MYLK: variants seen among roughly 807,000 people sequenced by gnomAD.
MYLK encodes the protein myosin light chain kinase, smooth muscle.
In MYLK, 106 loss-of-function variants were observed where a neutral mutation model predicts 203.4. The observed-to-expected ratio is 0.52, with a 90% CI of 0.45 to 0.61. The LOEUF (loss-of-function observed/expected upper bound fraction) is 0.61. MYLK is among the 20% of genes least tolerant of loss of function. The pLI, the probability that MYLK is intolerant of heterozygous loss-of-function variation, is 0.00. For missense variants in MYLK, 2,072 were observed against 2,442.3 expected (o/e 0.85, Z 3.20); for synonymous variants, 867 against 959.5 (o/e 0.90, Z 1.78).
At chr3:123,759,814 T>C (rs1336279299) in intron 4 of MYLK, among the ~76,000 whole-genome samples, 1 of 152,232 alleles carries the variant, frequency 6.6e-6, no homozygotes, top group African/African-American at 2.4e-5. Context: ...TCTATTTTCT[T>C]GCCTCCTCCC....
chr3:123,737,682 G>A (rs1160074789), intron 7 of MYLK, 139 bp from the exon 8 acceptor site: 5 of 1,115,258 alleles, frequency 4.5e-6, no homozygotes. Context: ...CTGTCAATGT[G>A]CTCAGAGAGC....
chr3:123,865,450 T>C (rs562743422), intron 2 of MYLK, among the ~76,000 whole-genome samples: 1 of 152,354 alleles, frequency 6.6e-6, no homozygotes, highest in South Asian at 2.1e-4. Context: ...AGTCTTCCTG[T>C]AGCTACTTAG....
chr3:123,666,298 G>C lies in MYLK; in HGVS notation c.3752C>G (p.Ala1251Gly), dbSNP rs986859519. The C allele has an allele frequency of 6.2e-7, 1 of 1,614,102 alleles. No homozygotes were observed. The highest frequency in any genetic ancestry group is 8.5e-7 in the Non-Finnish European group (1 of 1,180,052). ...GCCAAACAGCTCCACTGACTCTCCT[G>C]CGCGTACCTTCTGGTCCTCAGGGAA... is the stretch of plus-strand genomic sequence containing the variant. The part of the protein sequence containing the change: ...IQFPEDQKVR[A>G]GESVELFGKV... Residue 1251 changes from alanine to glycine, a missense_variant, in exon 22 of 34, where the codon GCA becomes GGA. Physicochemically the swap from Ala to Gly is moderately conservative, Grantham distance 60 (BLOSUM62 0). Transcript: ENST00000360304.
chr3:123,767,012 T>C (rs1410508380), intron 4 of MYLK, among the ~76,000 whole-genome samples: 1 of 152,216 alleles, frequency 6.6e-6, no homozygotes, highest in African/African-American at 2.4e-5. Flanking sequence ...TCCCAGTCCA[T>C]GCCACTGAAA....
At chr3:123,876,150 A>T (rs1240764346) in intron 2 of MYLK, among the ~76,000 whole-genome samples, 1 of 152,190 alleles carries the variant, frequency 6.6e-6, no homozygotes, top group Non-Finnish European at 1.5e-5. Context: ...TAAAAAACCA[A>T]AATAAAATAT....
chr3:123,728,041 G>T (rs903610589), intron 11 of MYLK, among the ~76,000 whole-genome samples: 1 of 152,170 alleles, frequency 6.6e-6, no homozygotes. Flanking sequence ...TTAGAAAAGC[G>T]AGTGTCTTCA....
chr3:123,855,668 AT>A (rs2031301117), intron 2 of MYLK, among the ~76,000 whole-genome samples: 1 of 152,150 alleles, frequency 6.6e-6, no homozygotes, highest in Non-Finnish European at 1.5e-5. Context: ...AATTAAAAAA[AT>A]AAAAACAAAA....
chr3:123,737,897 G>A (rs2062733488), intron 7 of MYLK, among the ~76,000 whole-genome samples: 1 of 151,992 alleles, frequency 6.6e-6, no homozygotes, highest in African/African-American at 2.4e-5. Flanking sequence ...TAGGAAGCAG[G>A]TAAAAGGTGT....
intron 32 of MYLK, among the ~76,000 whole-genome samples, chr3:123,619,706 CCA>C (rs1367615912): frequency 2.6e-5 from 4 of 152,066 alleles, no homozygotes; most frequent in African/African-American, 9.7e-5. Flanking sequence ...CCCAGTCTGC[CCA>C]GTTCAAATGA....
At chr3:123,707,357 G>A (rs957859331) in intron 16 of MYLK, among the ~76,000 whole-genome samples, 2 of 152,190 alleles carry the variant, frequency 1.3e-5, no homozygotes, top group Non-Finnish European at 2.9e-5. Flanking sequence ...CAAATTCCCA[G>A]CTGGGAGATG....
At chr3:123,853,279 G>T (rs1032526559) in intron 2 of MYLK, among the ~76,000 whole-genome samples, 5 of 152,090 alleles carry the variant, frequency 3.3e-5, no homozygotes, top group Non-Finnish European at 7.4e-5. Flanking sequence ...CCACAAAGAG[G>T]TCTCTGGGCC....
intron 31 of MYLK, chr3:123,623,149 A>G (rs549756179): frequency 6.6e-6 from 1 of 152,536 alleles, no homozygotes; most frequent in South Asian, 2.1e-4. Context: ...AGCCCCCCAT[A>G]TATACCAGTA....
At chr3:123,766,367 A>T (rs2063703521) in intron 4 of MYLK, among the ~76,000 whole-genome samples, 3 of 152,182 alleles carry the variant, frequency 2.0e-5, no homozygotes, top group Non-Finnish European at 4.4e-5. Flanking sequence ...CGCAGCCTCG[A>T]GGCCCACAGC....
chr3:123,884,041 C>CT (rs887464881), intron 1 of MYLK, among the ~76,000 whole-genome samples, 165 bp downstream of exon 1: 1 of 152,164 alleles, frequency 6.6e-6, no homozygotes, highest in African/African-American at 2.4e-5. Context: ...CTGGGGTCGT[C>CT]TCCTTACGCC....
intron 5 of MYLK, among the ~76,000 whole-genome samples, chr3:123,751,471 C>T (rs767730746): frequency 2.6e-5 from 4 of 152,186 alleles, no homozygotes; most frequent in Non-Finnish European, 5.9e-5. Flanking sequence ...TATGTTAACA[C>T]ATTGATGTGT....
intron 3 of MYLK, among the ~76,000 whole-genome samples, chr3:123,827,044 T>C (rs1168270924): frequency 6.6e-6 from 1 of 152,222 alleles, no homozygotes; most frequent in Non-Finnish European, 1.5e-5. Flanking sequence ...AGAAAGATAG[T>C]AATTATCCAG....
Position 123,640,169 on chromosome 3 carries a change from A to C in MYLK, c.4837+118T>G. The C allele has an allele frequency of 1.1e-6, 1 of 924,710 alleles. No individual in the cohort carries two copies. Among genetic ancestry groups the C allele is most frequent in the Non-Finnish European group, 1.7e-6 (1 of 576,622 alleles). 57.3% of individuals were successfully genotyped at this position (924,710 alleles called of 1,614,324 possible). A position where few individuals can be genotyped will look rare whatever the true frequency, so the allele number is the denominator to read the frequency against. On this transcript the variant is annotated intron_variant, in intron 28 of 33. Coordinates refer to ENST00000360304, the MANE Select transcript of MYLK (RefSeq NM_053025.4). The surrounding 1 kb of genome is among the most constrained non-coding windows in gnomAD (Gnocchi z 4.3). ...GTAGGGGCAGGATTCAAACCTGGGA[A>C]GTCTTCATGGTCTCGGATTTAACCC...
chr3:123,880,014 G>A (rs2033427387), intron 1 of MYLK, among the ~76,000 whole-genome samples: 2 of 152,286 alleles, frequency 1.3e-5, no homozygotes, highest in Admixed American at 1.3e-4. Flanking sequence ...CATCATTAGT[G>A]TCTGCTGGTT....
At chr3:123,773,409 T>TA (rs2063952366) in intron 4 of MYLK, among the ~76,000 whole-genome samples, 2 of 152,296 alleles carry the variant, frequency 1.3e-5, no homozygotes, top group South Asian at 4.1e-4. Context: ...TCATGAACAG[T>TA]AAAAAAATTT....
Sources: gnomAD v4.1 joint callset for allele counts (sites outside exome capture counted in the v4.1 genomes callset) on GRCh38, gnomAD v4.1.1 for gene constraint, Gnocchi (gnomAD v3.1) non-coding constraint, MANE v1.5 for transcripts, NCBI Gene and HGNC (gene_info 2026-07-23, HGNC 2026-07-21) for gene names.